SEPTIN14: variants seen among roughly 807,000 people sequenced by gnomAD.
SEPTIN14 encodes septin 14.
A neutral mutation model predicts 53.6 loss-of-function variants in SEPTIN14; 40 were observed. The observed-to-expected ratio is 0.75, with a 90% CI of 0.58 to 0.97. The LOEUF (loss-of-function observed/expected upper bound fraction) is 0.97. Ranked by LOEUF, SEPTIN14 falls within the 50% of genes least tolerant of loss-of-function variation. The pLI is 0.00. For missense variants in SEPTIN14, 471 were observed against 508.2 expected, an observed-to-expected ratio of 0.93 and a Z score of 0.70; for synonymous variants, 138 against 166.8, an observed-to-expected ratio of 0.83 and a Z score of 1.33.
intron 5 of SEPTIN14, among the ~76,000 whole-genome samples, chr7:55,839,770 A>T (rs1049884332): frequency 6.6e-5 from 10 of 152,086 alleles, no homozygotes; most frequent in Non-Finnish European, 1.5e-4. Context: ...GCAACCAAAA[A>T]ATTTGTATGT....
chr7:55,857,626 C>A (rs1315712329), intron 2 of SEPTIN14, among the ~76,000 whole-genome samples: 1 of 108,428 alleles, frequency 9.2e-6, no homozygotes, highest in Admixed American at 1.3e-4. Context: ...GTCTCGCTGT[C>A]GCCCAGGCTG....
At chr7:55,853,184 A>T (rs1273023305) in intron 2 of SEPTIN14, among the ~76,000 whole-genome samples, 4 of 152,210 alleles carry the variant, frequency 2.6e-5, no homozygotes. Flanking sequence ...CTAGGTATAT[A>T]CCCAAAAGAA....
intron 6 of SEPTIN14, among the ~76,000 whole-genome samples, chr7:55,822,981 C>G (rs1022961591): frequency 7.9e-5 from 12 of 152,140 alleles, no homozygotes; most frequent in African/African-American, 2.7e-4. Flanking sequence ...AGACCCTCGG[C>G]TGATACAAAA....
At chr7:55,805,188 A>C (rs975798482) in intron 9 of SEPTIN14, 70 bp downstream of exon 9, 1 of 1,391,222 alleles carries the variant, frequency 7.2e-7, no homozygotes, top group African/African-American at 1.5e-5. Context: ...TAAACTCTTG[A>C]GATTAAAACC....
At chr7:55,823,552 C>T (rs528482696) in intron 6 of SEPTIN14, among the ~76,000 whole-genome samples, 2 of 152,310 alleles carry the variant, frequency 1.3e-5, no homozygotes, top group Admixed American at 1.3e-4. Flanking sequence ...CAGCCACAGG[C>T]TGAGCCACTG....
At chr7:55,800,789 T>C (rs968937966) in intron 9 of SEPTIN14, among the ~76,000 whole-genome samples, 6 of 152,170 alleles carry the variant, frequency 3.9e-5, no homozygotes, top group African/African-American at 1.4e-4. Flanking sequence ...AGGGTCACTA[T>C]ACACAATAAT....
intron 9 of SEPTIN14, among the ~76,000 whole-genome samples, chr7:55,803,771 G>T (rs765997787): frequency 5.3e-5 from 8 of 152,034 alleles, no homozygotes; most frequent in Non-Finnish European, 1.0e-4. Context: ...AGTGAGGTGG[G>T]AGAGAAAGAG....
chr7:55,800,689 G>C (rs899035058), intron 9 of SEPTIN14, among the ~76,000 whole-genome samples: 2 of 152,058 alleles, frequency 1.3e-5, no homozygotes, highest in Non-Finnish European at 2.9e-5. Context: ...GGCTGGGAAG[G>C]GTGGTAGGGG....
intron 2 of SEPTIN14, among the ~76,000 whole-genome samples, chr7:55,858,028 G>C (rs540449517): frequency 2.0e-5 from 3 of 152,338 alleles, no homozygotes; most frequent in South Asian, 4.1e-4. Flanking sequence ...ACTGGGACAT[G>C]CAACAGCAGC....
intron 6 of SEPTIN14, among the ~76,000 whole-genome samples, chr7:55,822,035 G>A (rs147582740): frequency 0.013 from 1,920 of 152,230 alleles, 46 homozygotes; most frequent in African/African-American, 0.044. Flanking sequence ...GTCAGATCTC[G>A]TGAGACTTAT....
intron 3 of SEPTIN14, among the ~76,000 whole-genome samples, chr7:55,845,176 C>T (rs1789380823): frequency 6.6e-6 from 1 of 152,112 alleles, no homozygotes; most frequent in Non-Finnish European, 1.5e-5. Context: ...GGCACATGTT[C>T]TCAGCCATAA....
intron 2 of SEPTIN14, among the ~76,000 whole-genome samples, chr7:55,848,541 C>T (rs559867722): frequency 1.3e-5 from 2 of 152,106 alleles, no homozygotes; most frequent in East Asian, 3.9e-4. Context: ...AAACAATCCT[C>T]CTGCCTTAGC....
intron 6 of SEPTIN14, among the ~76,000 whole-genome samples, chr7:55,833,726 A>G (rs1441768412): frequency 6.6e-6 from 1 of 151,570 alleles, no homozygotes; most frequent in Non-Finnish European, 1.5e-5. Flanking sequence ...AAACAAAACA[A>G]AAAATTAATC....
intron 9 of SEPTIN14, among the ~76,000 whole-genome samples, chr7:55,799,458 C>G (rs1162688843): frequency 2.2e-5 from 3 of 136,636 alleles, no homozygotes; most frequent in African/African-American, 8.4e-5. Flanking sequence ...GTAGAGGTTG[C>G]AGTGAGCTGA....
At chr7:55,800,648 G>T (rs1486828050) in intron 9 of SEPTIN14, among the ~76,000 whole-genome samples, 1 of 151,838 alleles carries the variant, frequency 6.6e-6, no homozygotes, top group Non-Finnish European at 1.5e-5. Flanking sequence ...TTAAACTCAT[G>T]GAGATAGAGA....
At chr7:55,847,733 A>G (rs1789438193) in intron 2 of SEPTIN14, among the ~76,000 whole-genome samples, 1 of 152,222 alleles carries the variant, frequency 6.6e-6, no homozygotes, top group African/African-American at 2.4e-5. Context: ...AAATCAAATG[A>G]TGTATACTTC....
chr7:55,801,974 G>A (rs1788527844), intron 9 of SEPTIN14, among the ~76,000 whole-genome samples: 1 of 150,468 alleles, frequency 6.6e-6, no homozygotes. Flanking sequence ...GTCTTCCAAA[G>A]AATGGAAGAG....
chr7:55,813,573 G>C (rs1051467338), intron 7 of SEPTIN14, among the ~76,000 whole-genome samples: 33 of 152,316 alleles, frequency 2.2e-4, no homozygotes, highest in African/African-American at 7.2e-4. Flanking sequence ...GAAAGAAAAG[G>C]AAGATTAGAA....
intron 6 of SEPTIN14, among the ~76,000 whole-genome samples, chr7:55,820,958 G>T (rs1788883933): frequency 6.6e-6 from 1 of 151,938 alleles, no homozygotes; most frequent in Non-Finnish European, 1.5e-5. Context: ...AAAAAGAAAA[G>T]AAAATTATCA....
Sources: allele counts gnomAD v4.1 joint callset (sites outside exome capture counted in the v4.1 genomes callset), GRCh38; gene constraint gnomAD v4.1.1; transcripts MANE v1.5; gene names NCBI Gene and HGNC (gene_info 2026-07-23, HGNC 2026-07-21).